Variants in PRP4K observed in about 807,000 individuals in gnomAD.
The protein encoded by PRP4K is serine/threonine-protein kinase PRP4 homolog.
the PRP4K span, among the ~76,000 whole-genome samples, chr6:4,053,274 C>T: frequency 6.6e-6 from 1 of 152,150 alleles, no homozygotes. Context: ...CCTGGGGGCT[C>T]AAACACAATA....
At chr6:4,035,437 G>A in the PRP4K span, among the ~76,000 whole-genome samples, 4 of 151,626 alleles carry the variant, frequency 2.6e-5, no homozygotes, top group South Asian at 2.1e-4. Flanking sequence ...GTGAGCCACC[G>A]CACCCAGCCC....
At chr6:4,027,712 G>A in the PRP4K span, among the ~76,000 whole-genome samples, 876 of 151,156 alleles carry the variant, frequency 5.8e-3, 9 homozygotes, top group African/African-American at 0.02. Context: ...TGTTTTCTCC[G>A]TCATGTAGAT....
the PRP4K span, chr6:4,049,924 T>TA: frequency 1.3e-6 from 2 of 1,571,770 alleles, no homozygotes; most frequent in East Asian, 4.5e-5. Context: ...TACGGATACT[T>TA]ACAGAAGAAC....
the PRP4K span, among the ~76,000 whole-genome samples, chr6:4,030,642 C>T: frequency 1.3e-5 from 2 of 152,214 alleles, no homozygotes; most frequent in East Asian, 3.8e-4. Flanking sequence ...CAGAATCCCC[C>T]ACTTTATTTA....
chr6:4,023,071 A>G, the PRP4K span, among the ~76,000 whole-genome samples: 3 of 152,238 alleles, frequency 2.0e-5, no homozygotes, highest in Non-Finnish European at 4.4e-5. Context: ...CACTTGGTGT[A>G]AATGGAATAT....
the PRP4K span, among the ~76,000 whole-genome samples, chr6:4,048,043 GA>G: frequency 6.6e-6 from 1 of 151,848 alleles, no homozygotes; most frequent in Admixed American, 6.6e-5. Flanking sequence ...GGTTGATATT[GA>G]AGAGTCTTCT....
At chr6:4,049,258 C>T in the PRP4K span, 2 of 699,660 alleles carry the variant, frequency 2.9e-6, no homozygotes, top group Non-Finnish European at 4.7e-6. Context: ...GCTGCATGAA[C>T]TCGTGTGTAT....
chr6:4,037,282 C>T, the PRP4K span: 2 of 1,002,936 alleles, frequency 2.0e-6, no homozygotes, highest in South Asian at 2.3e-5. Flanking sequence ...ACACATTAAT[C>T]AAAGTTCACT....
the PRP4K span, among the ~76,000 whole-genome samples, chr6:4,039,430 A>G: frequency 8.5e-5 from 13 of 152,140 alleles, no homozygotes; most frequent in Admixed American, 7.2e-4. Context: ...TATCTTTGGT[A>G]TGTGCCTCTC....
the PRP4K span, among the ~76,000 whole-genome samples, chr6:4,038,466 T>C: frequency 1.3e-5 from 2 of 151,724 alleles, no homozygotes; most frequent in Non-Finnish European, 1.5e-5. Flanking sequence ...TTTTTTGTAT[T>C]TTTCTAAATA....
the PRP4K span, among the ~76,000 whole-genome samples, chr6:4,052,452 TA>T: frequency 6.6e-6 from 1 of 152,240 alleles, no homozygotes; most frequent in East Asian, 1.9e-4. Flanking sequence ...GAATCTATTC[TA>T]AAATCGAAAT....
At chr6:4,044,614 A>G in the PRP4K span, among the ~76,000 whole-genome samples, 1 of 152,024 alleles carries the variant, frequency 6.6e-6, no homozygotes, top group Non-Finnish European at 1.5e-5. Flanking sequence ...TGGTCTCTCT[A>G]ACTGGGTTGG....
chr6:4,048,378 CAAAAAA>C, the PRP4K span, among the ~76,000 whole-genome samples: 1 of 98,932 alleles, frequency 1.0e-5, no homozygotes, highest in Non-Finnish European at 2.0e-5. Context: ...GACTCCGTCT[CAAAAAA>C]AAAAAAAAAA....
chr6:4,055,481 T>C, the PRP4K span, among the ~76,000 whole-genome samples: 1 of 152,184 alleles, frequency 6.6e-6, no homozygotes, highest in Non-Finnish European at 1.5e-5. Flanking sequence ...TATAGTGTTA[T>C]GCTGCTTTGG....
the PRP4K span, chr6:4,050,370 G>T: frequency 1.4e-6 from 1 of 739,090 alleles, no homozygotes; most frequent in Non-Finnish European, 2.1e-6. Context: ...ATAGCCATAT[G>T]TCATATGTAC....
At chr6:4,052,160 G>T in the PRP4K span, 1 of 1,443,652 alleles carries the variant, frequency 6.9e-7, no homozygotes, top group African/African-American at 1.4e-5. Context: ...ATCTCATTTT[G>T]GATAAATGCT....
At chr6:4,056,234 TA>T in the PRP4K span, 2 of 926,666 alleles carry the variant, frequency 2.2e-6, no homozygotes, top group Non-Finnish European at 3.3e-6. Flanking sequence ...TTGGAATTAA[TA>T]AAACTTTTCA....
chr6:4,060,614 T>G, the PRP4K span: 4 of 1,611,230 alleles, frequency 2.5e-6, no homozygotes, highest in Non-Finnish European at 3.4e-6. The surrounding 1 kb of genome is among the most constrained non-coding windows in gnomAD (Gnocchi z 4.7). Flanking sequence ...GGAAAAAATT[T>G]AAACAAGATG....
chr6:4,042,908 C>T, the PRP4K span, among the ~76,000 whole-genome samples: 2 of 152,068 alleles, frequency 1.3e-5, no homozygotes, highest in Non-Finnish European at 2.9e-5. Flanking sequence ...AAAAATTATG[C>T]ATGTTACTGT....
Sources: allele counts gnomAD v4.1 joint callset (sites outside exome capture counted in the v4.1 genomes callset), GRCh38; gene constraint gnomAD v4.1.1; non-coding constraint Gnocchi (gnomAD v3.1); transcripts MANE v1.5; gene names NCBI Gene and HGNC (gene_info 2026-07-23, HGNC 2026-07-21).